CTNND2: variants seen among roughly 807,000 people sequenced by gnomAD.
The protein encoded by CTNND2 is catenin delta-2.
CTNND2 carries 22 observed loss-of-function variants against 144.4 expected under a neutral mutation model. The observed-to-expected ratio is 0.15, with a 90% CI of 0.11 to 0.22. The LOEUF is 0.22. Ranked by LOEUF, CTNND2 falls within the 10% of genes least tolerant of loss-of-function variation. CTNND2 has a pLI of 1.00. For synonymous variants in CTNND2, 751 were observed against 695.6 expected, an observed-to-expected ratio of 1.08 and a Z score of -1.25; for missense variants, 1,353 against 1,618.8, an observed-to-expected ratio of 0.84 and a Z score of 2.82.
chr5:11,286,886 G>A (rs951356637), intron 9 of CTNND2, among the ~76,000 whole-genome samples: 1 of 152,176 alleles, frequency 6.6e-6, no homozygotes, highest in African/African-American at 2.4e-5. Flanking sequence ...AACAGTCCTT[G>A]CTTGCTGTCT....
chr5:11,045,083 T>C (rs1481196953), intron 16 of CTNND2, among the ~76,000 whole-genome samples: 3 of 152,232 alleles, frequency 2.0e-5, no homozygotes, highest in Non-Finnish European at 2.9e-5. Flanking sequence ...AGGGCCATGC[T>C]CCCGCCTAAG....
intron 2 of CTNND2, among the ~76,000 whole-genome samples, chr5:11,577,900 T>A (rs1292154918): frequency 6.6e-6 from 1 of 152,212 alleles, no homozygotes; most frequent in Non-Finnish European, 1.5e-5. Context: ...TAAACATGGA[T>A]CTTGCACTAT....
At chr5:11,043,076 G>C (rs753928797) in intron 16 of CTNND2, among the ~76,000 whole-genome samples, 6 of 149,796 alleles carry the variant, frequency 4.0e-5, no homozygotes, top group Non-Finnish European at 8.9e-5. Context: ...TTTATATCTA[G>C]GTCAGAGCTT....
chr5:11,133,028 A>G (rs1755770130), intron 12 of CTNND2, among the ~76,000 whole-genome samples: 1 of 152,342 alleles, frequency 6.6e-6, no homozygotes, highest in East Asian at 1.9e-4. Flanking sequence ...ATACTGTATT[A>G]AAAACAGACA....
In CTNND2 at chr5:11,098,962, G is replaced by A. The variant is rs61755689; in HGVS notation, c.2464-214C>T. 0.014 allele frequency among the ~76,000 whole-genome samples: 2,153 copies of A among 152,282 alleles called. 59 individuals carry two copies. Among genetic ancestry groups the A allele is most frequent in the African/African-American group, 0.049 (2,049 of 41,550 alleles). ...GAGCTTGGGATCGAGGGTGGAGGGTGGGTTGGTGTATGCACGCAAGAGAAT... is the reference window on the plus strand; with the variant it reads ...GAGCTTGGGATCGAGGGTGGAGGGTAGGTTGGTGTATGCACGCAAGAGAAT... On this transcript the variant is annotated intron_variant, in intron 14 of 21. Transcript: ENST00000304623.
chr5:11,370,699 G>C (rs775126619), intron 7 of CTNND2, among the ~76,000 whole-genome samples: 9 of 152,158 alleles, frequency 5.9e-5, no homozygotes, highest in Non-Finnish European at 1.2e-4. Context: ...TCATTTTGCA[G>C]TATCAATATA....
intron 5 of CTNND2, among the ~76,000 whole-genome samples, chr5:11,397,406 G>C (rs1436345113): frequency 1.3e-5 from 2 of 151,210 alleles, no homozygotes; most frequent in Admixed American, 1.3e-4. Flanking sequence ...TTTTTTGGTG[G>C]TGGTTTAAAA....
intron 9 of CTNND2, among the ~76,000 whole-genome samples, chr5:11,247,232 T>A (rs1053255770): frequency 2.0e-5 from 3 of 152,158 alleles, no homozygotes; most frequent in Admixed American, 6.5e-5. Context: ...AGATGGTGGC[T>A]CAGCCCCAGC....
intron 2 of CTNND2, among the ~76,000 whole-genome samples, chr5:11,725,857 CTG>C (rs1786988485): frequency 1.3e-5 from 2 of 152,034 alleles, no homozygotes; most frequent in Middle Eastern, 3.2e-3. Flanking sequence ...AAAATAATTC[CTG>C]TGTTTTTCTT....
chr5:11,423,881 G>GA (rs200034902), intron 3 of CTNND2, among the ~76,000 whole-genome samples: 4 of 152,160 alleles, frequency 2.6e-5, no homozygotes, highest in South Asian at 2.1e-4. Context: ...TCACAATAAA[G>GA]AAAAAATTTT....
At chr5:11,128,838 A>C (rs1755021355) in intron 12 of CTNND2, among the ~76,000 whole-genome samples, 1 of 70,652 alleles carries the variant, frequency 1.4e-5, no homozygotes, top group African/African-American at 5.4e-5. Context: ...ATATTATATT[A>C]AGTATATAAT....
chr5:11,339,912 C>A (rs1580954539), intron 9 of CTNND2, among the ~76,000 whole-genome samples: 1 of 152,174 alleles, frequency 6.6e-6, no homozygotes. Flanking sequence ...GCTAAGACAG[C>A]AGCCCTAAGA....
At chr5:11,231,221 T>C (rs1740975119) in intron 10 of CTNND2, among the ~76,000 whole-genome samples, 1 of 147,362 alleles carries the variant, frequency 6.8e-6, no homozygotes, top group African/African-American at 2.4e-5. Flanking sequence ...ATTAAACCTC[T>C]TTTTTTAATA....
At chr5:11,154,694 T>G (rs1351335981) in intron 12 of CTNND2, among the ~76,000 whole-genome samples, 1 of 152,146 alleles carries the variant, frequency 6.6e-6, no homozygotes, top group African/African-American at 2.4e-5. Flanking sequence ...CTGGGTGGCT[T>G]AAAACAACCG....
chr5:11,699,422 G>A (rs1355504271), intron 2 of CTNND2, among the ~76,000 whole-genome samples: 1 of 152,186 alleles, frequency 6.6e-6, no homozygotes, highest in Non-Finnish European at 1.5e-5. Context: ...GATTGTGGGT[G>A]AGAGGGAAAT....
chr5:11,400,972 C>T (rs1168676114), intron 5 of CTNND2, among the ~76,000 whole-genome samples: 5 of 152,160 alleles, frequency 3.3e-5, no homozygotes, highest in Non-Finnish European at 7.4e-5. Context: ...TGAAAAAGTC[C>T]TGTGTAAACA....
intron 16 of CTNND2, among the ~76,000 whole-genome samples, chr5:11,034,196 G>C (rs1235132767): frequency 6.6e-6 from 1 of 152,128 alleles, no homozygotes; most frequent in African/African-American, 2.4e-5. Flanking sequence ...AGCATGATCT[G>C]TTTTATAAAA....
chr5:11,020,210 C>T (rs61751672), intron 17 of CTNND2, among the ~76,000 whole-genome samples: 74 of 152,186 alleles, frequency 4.9e-4, no homozygotes, highest in African/African-American at 1.8e-3. Flanking sequence ...GACTCATTAA[C>T]ATCACTGCAC....
intron 2 of CTNND2, among the ~76,000 whole-genome samples, chr5:11,643,871 C>A (rs79202259): frequency 6.6e-6 from 1 of 151,810 alleles, no homozygotes; most frequent in African/African-American, 2.4e-5. Flanking sequence ...TGAAGTAAAA[C>A]GAAAGAATTT....
Sources: allele counts gnomAD v4.1 joint callset (sites outside exome capture counted in the v4.1 genomes callset), GRCh38; gene constraint gnomAD v4.1.1; transcripts MANE v1.5; gene names NCBI Gene and HGNC (gene_info 2026-07-23, HGNC 2026-07-21).